ZFC3H1: variants seen among roughly 807,000 people sequenced by gnomAD.
ZFC3H1 encodes zinc finger C3H1-type containing, also known as zinc finger C3H1 domain-containing protein.
In ZFC3H1, 71 loss-of-function variants were observed where a neutral mutation model predicts 243.7. The ratio of observed to expected loss-of-function variants is 0.29; its 90% CI spans 0.24 to 0.36. ZFC3H1 has a LOEUF of 0.36. Ranked by LOEUF, ZFC3H1 falls within the 10% of genes least tolerant of loss-of-function variation. The pLI is 1.00. For missense variants in ZFC3H1, 1,966 were observed against 2,317.1 expected (o/e 0.85, Z 3.11); for synonymous variants, 838 against 813.0 (o/e 1.03, Z -0.52).
At chr12:71,629,120 G>T in intron 19 of ZFC3H1, 83 bp from the exon 20 acceptor site, 1 of 1,178,560 alleles carries the variant, frequency 8.5e-7, no homozygotes. Context: ...TAATATTTGA[G>T]AAGAACTACA....
rs1349161370 is a variant in ZFC3H1 at position 71,614,536 on chromosome 12, C to T, written c.5525G>A (p.Arg1842Lys). Residue 1842 changes from arginine to lysine, a missense_variant and splice_region_variant, in exon 30 of 35, where the codon AGG becomes AAG. Arg to Lys is a conservative substitution (Grantham distance 26, BLOSUM62 2). This residue lies in a region of ZFC3H1 where 1,383 missense variants were observed against 1,723.7 expected (regional missense o/e 0.80). Coordinates refer to ENST00000378743, the MANE Select transcript of ZFC3H1 (RefSeq NM_144982.5). ...DYWSNYEFHN[R>K]VIFFYLSCVP... ...AAGAAAAAAGTTTTGAGTTCTTACC[C>T]TATTATGAAATTCATAGTTGGACCA... 4.4e-6 allele frequency: 7 copies of T among 1,576,938 alleles called. No homozygotes were observed. The African/African-American group carries it at 8.2e-5, about 19-fold the overall frequency.
rs769915401 is a variant in ZFC3H1, at chr12:71,662,994, A to C, written c.598+19T>G. The C allele has an allele frequency of 1.9e-6, 3 of 1,571,862 alleles. No individual in the cohort carries two copies. Among genetic ancestry groups the C allele is most frequent in the Non-Finnish European group, 2.6e-6 (3 of 1,159,978 alleles). On this transcript the variant is annotated intron_variant, in intron 1 of 34. Transcript: ENST00000378743. ...AACTTTAGTGACACACCCAGCGCCGACCGCCACGTTAAGGATACAGCTCTT... is the reference window on the plus strand; with the variant it reads ...AACTTTAGTGACACACCCAGCGCCGCCCGCCACGTTAAGGATACAGCTCTT...
At chr12:71,661,269 CAGCCTGG>C (rs998850140) in intron 1 of ZFC3H1, among the ~76,000 whole-genome samples, 1 of 151,670 alleles carries the variant, frequency 6.6e-6, no homozygotes, top group Non-Finnish European at 1.5e-5. Context: ...CACTGCACTC[CAGCCTGG>C]GCGACAGAGC....
intron 27 of ZFC3H1, among the ~76,000 whole-genome samples, chr12:71,618,880 T>C (rs1213549356): frequency 2.0e-5 from 3 of 152,108 alleles, no homozygotes; most frequent in African/African-American, 7.2e-5. Context: ...TCTATAACAT[T>C]TCAGAGGCTA....
intron 22 of ZFC3H1, 86 bp downstream of exon 22, chr12:71,626,174 C>A: frequency 7.1e-7 from 1 of 1,409,090 alleles, no homozygotes; most frequent in Non-Finnish European, 9.7e-7. Flanking sequence ...CTCTATTAAG[C>A]TACTTATCAA....
intron 23 of ZFC3H1, among the ~76,000 whole-genome samples, chr12:71,623,811 C>T (rs1880091178): frequency 6.6e-6 from 1 of 152,116 alleles, no homozygotes; most frequent in Non-Finnish European, 1.5e-5. Context: ...TTATTTTCAT[C>T]AGACTGATTT....
Position 71,663,130 on chromosome 12 carries a change from GCCC to G in ZFC3H1, c.478_480del (p.Gly160del). ...TTGCCTCCTCGCTCACCCACTCCTC[GCCC>G]CCGACTCCAGCGACTCCCACCCCGG... On this transcript the variant is annotated inframe_deletion, in exon 1 of 35. Coordinates refer to ENST00000378743, the MANE Select transcript of ZFC3H1 (RefSeq NM_144982.5). 1 of 1,613,756 alleles carries G rather than the reference GCCC, an allele frequency of 6.2e-7. No individual in the cohort carries two copies. Among genetic ancestry groups the G allele is most frequent in the Non-Finnish European group, 8.5e-7 (1 of 1,179,972 alleles).
intron 7 of ZFC3H1, among the ~76,000 whole-genome samples, chr12:71,638,023 T>C (rs191235929): frequency 6.6e-6 from 1 of 152,230 alleles, no homozygotes; most frequent in East Asian, 1.9e-4. Flanking sequence ...AATAACCATT[T>C]TTATGAAAAG....
chr12:71,645,315 G>C (rs1592598715), intron 3 of ZFC3H1, among the ~76,000 whole-genome samples: 2 of 152,170 alleles, frequency 1.3e-5, no homozygotes, highest in East Asian at 3.8e-4. Context: ...TGTAGGGTTG[G>C]TAAGGCGGTA....
At position 71,614,953 on chromosome 12, in the gene ZFC3H1, A is replaced by G; in HGVS notation, c.5256-15T>C. On this transcript the variant is annotated splice_polypyrimidine_tract_variant and intron_variant, in intron 28 of 34. Coordinates refer to ENST00000378743, the MANE Select transcript of ZFC3H1 (RefSeq NM_144982.5). ...GATGACAAAGGCTGTTTAAAAAATG[A>G]AGGAAAACATATGTCTATCATTCAT... The G allele has an allele frequency of 6.3e-7, 1 of 1,585,760 alleles. No homozygotes were observed. The highest frequency in any genetic ancestry group is 1.7e-5 in the Admixed American group (1 of 59,714).
chr12:71,619,433 A>G, intron 26 of ZFC3H1, 24 bp from the exon 27 acceptor site: 1 of 1,598,396 alleles, frequency 6.3e-7, no homozygotes, highest in Non-Finnish European at 8.6e-7. Context: ...AGGGAGGGGG[A>G]TATATATCAG....
At chr12:71,652,650 G>A (rs1149017) in intron 2 of ZFC3H1, among the ~76,000 whole-genome samples, 75,954 of 151,992 alleles carry the variant, frequency 0.5, 22,146 homozygotes, top group Middle Eastern at 0.71. Flanking sequence ...GTTACTCCAG[G>A]CTTTCACACA....
chr12:71,627,685 A>T, intron 21 of ZFC3H1, 66 bp downstream of exon 21: 1 of 1,484,866 alleles, frequency 6.7e-7, no homozygotes, highest in Non-Finnish European at 9.1e-7. Context: ...TACCATAGGT[A>T]AAAAAACCTC....
chr12:71,633,408 T>C lies in ZFC3H1; in HGVS notation c.2541A>G (p.Leu847=). The C allele has an allele frequency of 6.3e-7, 1 of 1,577,586 alleles. No individual in the cohort carries two copies. ...RILLMKDESV[L]KNLVQQEAKK... ...TAGCTTCTTGTTGCACTAAATTCTT[T>C]AAAACAGATTCATCTTTCATCAAGA... The change falls in exon 13 of 35, where the codon TTA becomes TTG. Residue 847 remains leucine, a synonymous_variant. Transcript: ENST00000378743.
At chr12:71,656,855 A>C (rs767777725) in intron 2 of ZFC3H1, 30 bp downstream of exon 2, 71 of 1,573,130 alleles carry the variant, frequency 4.5e-5, no homozygotes, top group Non-Finnish European at 5.8e-5. Flanking sequence ...AAGAAGAGTC[A>C]TTACTAACTG....
Position 71,623,445 on chromosome 12 carries a change from A to C in ZFC3H1, c.4659T>G (p.Ile1553Met), listed in dbSNP as rs767200849. The C allele has an allele frequency of 1.2e-6, 2 of 1,613,810 alleles. No individual in the cohort carries two copies. Among genetic ancestry groups the C allele is most frequent in the Admixed American group, 1.7e-5 (1 of 60,014 alleles). ...GCATTACAAATGATTCAGTGTTAAC[A>C]ATTCTTGAAGGATTATCATTAGATG... ...YDPSNDNPSR[I>M]VNTESFVMPW... The change falls in exon 24 of 35, where the codon ATT (isoleucine) becomes ATG (methionine). Residue 1553 changes from isoleucine to methionine, a missense_variant. Transcript: ENST00000378743.
At chr12:71,611,211 A>G in intron 32 of ZFC3H1, 114 bp from the exon 33 acceptor site, 1 of 1,101,646 alleles carries the variant, frequency 9.1e-7, no homozygotes, top group Non-Finnish European at 1.2e-6. Flanking sequence ...GAATCTGAGT[A>G]CAAAACTTCC....
chr12:71,643,746 T>G (rs1880658875), intron 5 of ZFC3H1, among the ~76,000 whole-genome samples: 1 of 152,200 alleles, frequency 6.6e-6, no homozygotes, highest in South Asian at 2.1e-4. Context: ...CATGACACAC[T>G]TCTCAATCTA....
At chr12:71,634,385 G>GT (rs1453592925) in intron 11 of ZFC3H1, 81 bp from the exon 12 acceptor site, 2 of 1,435,214 alleles carry the variant, frequency 1.4e-6, no homozygotes, top group African/African-American at 2.9e-5. Context: ...ATTTCATGCA[G>GT]TAACAATATT....
Sources: gnomAD v4.1 joint callset for allele counts (sites outside exome capture counted in the v4.1 genomes callset) on GRCh38, gnomAD v4.1.1 for gene constraint, gnomAD v4.1.1 regional missense constraint, MANE v1.5 for transcripts, NCBI Gene and HGNC (gene_info 2026-07-23, HGNC 2026-07-21) for gene names.